Variants in TRPM3 observed in about 807,000 individuals in gnomAD.
The protein encoded by TRPM3 is long transient receptor potential channel 3.
A neutral mutation model predicts 181.2 loss-of-function variants in TRPM3; 77 were observed. The observed-to-expected ratio is 0.42, with a 90% CI of 0.35 to 0.51. The LOEUF (loss-of-function observed/expected upper bound fraction) is 0.51, where lower values mean the gene tolerates loss of function less well. Ranked by LOEUF, TRPM3 falls within the 20% of genes least tolerant of loss-of-function variation. The pLI is 0.01. For missense variants in TRPM3, 1,759 were observed against 2,196.7 expected (o/e 0.80, Z 3.98); for synonymous variants, 745 against 796.4 (o/e 0.94, Z 1.09).
At chr9:70,739,363 A>T (rs1253179304) in intron 8 of TRPM3, among the ~76,000 whole-genome samples, 1 of 152,226 alleles carries the variant, frequency 6.6e-6, no homozygotes, top group East Asian at 1.9e-4. Context: ...CATCAACAGA[A>T]TTAAAAACAG....
chr9:71,020,732 T>C (rs1564990947), intron 1 of TRPM3, among the ~76,000 whole-genome samples: 1 of 152,182 alleles, frequency 6.6e-6, no homozygotes, highest in Non-Finnish European at 1.5e-5. Flanking sequence ...AGACCAAGTT[T>C]TGGTGAGTTA....
At chr9:71,164,241 T>C (rs1279447142) in intron 1 of TRPM3, among the ~76,000 whole-genome samples, 1 of 152,240 alleles carries the variant, frequency 6.6e-6, no homozygotes, top group African/African-American at 2.4e-5. Context: ...TCAATGAATT[T>C]ACTTGTTTGT....
chr9:70,855,562 G>T (rs1469651149), intron 3 of TRPM3, among the ~76,000 whole-genome samples: 1 of 152,124 alleles, frequency 6.6e-6, no homozygotes, highest in Non-Finnish European at 1.5e-5. Flanking sequence ...CCTGGTTTTT[G>T]TTACGTAGTG....
chr9:71,004,173 G>T (rs532246425), intron 1 of TRPM3, among the ~76,000 whole-genome samples: 1 of 152,202 alleles, frequency 6.6e-6, no homozygotes, highest in African/African-American at 2.4e-5. Flanking sequence ...GAGGTCACAT[G>T]GATAAGACTG....
At chr9:70,830,699 T>C (rs1051552221) in intron 5 of TRPM3, among the ~76,000 whole-genome samples, 3 of 152,240 alleles carry the variant, frequency 2.0e-5, no homozygotes, top group Admixed American at 6.5e-5. Context: ...TGTGGAAATT[T>C]GTTTGAATCT....
At position 70,667,381 on chromosome 9, in the gene TRPM3, C is replaced by T. The variant is rs779575998; in HGVS notation, c.1345+14125G>A. Among the ~76,000 whole-genome samples, 109 of 152,250 alleles carry T rather than the reference C, an allele frequency of 7.2e-4. 1 individual carries two copies. The highest frequency in any genetic ancestry group is 4.5e-3 in the Admixed American group (69 of 15,292). On this transcript the variant is annotated intron_variant, in intron 9 of 25. Transcript: ENST00000677713. ...CAGTCTTTTGCCTGGAGGATAAAGA[C>T]CAAGCTGCCAGCACACTGGGAACCA...
chr9:70,803,032 G>A (rs13284593), intron 6 of TRPM3, among the ~76,000 whole-genome samples: 5 of 24,886 alleles, frequency 2.0e-4, no homozygotes, highest in Non-Finnish European at 3.6e-4. Flanking sequence ...GAGAAATTTT[G>A]TAAAAAAAAA....
At chr9:71,169,987 T>G (rs2076764554) in intron 1 of TRPM3, among the ~76,000 whole-genome samples, 2 of 95,576 alleles carry the variant, frequency 2.1e-5, no homozygotes, top group African/African-American at 8.7e-5. Flanking sequence ...GGTGACAGAG[T>G]GAGACTCTGT....
chr9:70,798,866 A>G (rs1464241927), intron 6 of TRPM3, among the ~76,000 whole-genome samples: 2 of 152,220 alleles, frequency 1.3e-5, no homozygotes, highest in East Asian at 3.8e-4. Context: ...GGGCCTCAGC[A>G]GTGGTCAGAG....
intron 1 of TRPM3, among the ~76,000 whole-genome samples, chr9:70,877,862 A>C (rs185310938): frequency 6.7e-6 from 1 of 149,578 alleles, no homozygotes; most frequent in Non-Finnish European, 1.5e-5. Flanking sequence ...GGGAAGCTAT[A>C]TATAACACTA....
In TRPM3 at chr9:70,780,647, C is replaced by T. The variant is rs150509739; in HGVS notation, c.1148+3458G>A. Among the ~76,000 whole-genome samples the T allele has an allele frequency of 2.3e-3, 356 of 152,080 alleles. 2 individuals carry two copies. The highest frequency in any genetic ancestry group is 8.2e-3 in the African/African-American group (342 of 41,486). ...ACAATTTCTTATCAAGCTAAATAAA[C>T]ATGATTAAATTCTTGAAGTTATTCA... On this transcript the variant is annotated intron_variant, in intron 7 of 25. Transcript: ENST00000677713.
At chr9:71,224,167 C>T (rs2080429458) in intron 1 of TRPM3, among the ~76,000 whole-genome samples, 1 of 152,348 alleles carries the variant, frequency 6.6e-6, no homozygotes, top group South Asian at 2.1e-4. Flanking sequence ...TGTCACCCCT[C>T]CTCCAGCTCC....
At chr9:70,832,218 A>G (rs1315023008) in intron 5 of TRPM3, among the ~76,000 whole-genome samples, 4 of 150,098 alleles carry the variant, frequency 2.7e-5, no homozygotes, top group African/African-American at 9.8e-5. Flanking sequence ...GGTGCAGCGC[A>G]CCAGCATGGC....
At chr9:70,573,271 G>A (rs1369440809) in intron 22 of TRPM3, among the ~76,000 whole-genome samples, 1 of 152,130 alleles carries the variant, frequency 6.6e-6, no homozygotes, top group Non-Finnish European at 1.5e-5. Flanking sequence ...TTTCCAAAAT[G>A]TTGAACAACT....
intron 1 of TRPM3, among the ~76,000 whole-genome samples, chr9:71,127,744 T>C (rs867037343): frequency 2.6e-5 from 4 of 152,222 alleles, no homozygotes; most frequent in African/African-American, 9.6e-5. Flanking sequence ...GTATGTAGCA[T>C]AGTCCATAAG....
At chr9:71,374,403 AC>A (rs1376062507) in intron 1 of TRPM3, among the ~76,000 whole-genome samples, 2 of 151,962 alleles carry the variant, frequency 1.3e-5, no homozygotes, top group Admixed American at 6.6e-5. Flanking sequence ...AAAAAACAAA[AC>A]AAAAAAAACC....
chr9:70,591,295 G>C, intron 21 of TRPM3, 90 bp from the exon 22 acceptor site: 1 of 1,115,802 alleles, frequency 9.0e-7, no homozygotes, highest in Admixed American at 1.9e-5. Context: ...GGAACCTTTG[G>C]AGGAGGTCCA....
chr9:71,031,430 T>C (rs1283844897), intron 1 of TRPM3, among the ~76,000 whole-genome samples: 1 of 152,178 alleles, frequency 6.6e-6, no homozygotes, highest in African/African-American at 2.4e-5. Flanking sequence ...AATAAGATAG[T>C]GACAACTCCT....
At chr9:70,552,023 C>T (rs2046580186) in intron 24 of TRPM3, among the ~76,000 whole-genome samples, 1 of 152,162 alleles carries the variant, frequency 6.6e-6, no homozygotes, top group Non-Finnish European at 1.5e-5. Flanking sequence ...CTGGTGACCA[C>T]ACAGAGGGAA....
Sources: allele counts gnomAD v4.1 joint callset (sites outside exome capture counted in the v4.1 genomes callset), GRCh38; gene constraint gnomAD v4.1.1; transcripts MANE v1.5; gene names NCBI Gene and HGNC (gene_info 2026-07-23, HGNC 2026-07-21).